The following COL25A1 variants were observed in gnomAD, a reference collection of about 807,000 sequenced individuals.
The protein encoded by COL25A1 is collagen alpha-1(XXV) chain.
In COL25A1, 103 loss-of-function variants were observed where a neutral mutation model predicts 128.4. That is an observed-to-expected ratio of 0.80 (90% confidence interval 0.68 to 0.94). The LOEUF (loss-of-function observed/expected upper bound fraction) is 0.94. Ranked by LOEUF, COL25A1 falls within the 40% of genes least tolerant of loss-of-function variation. The pLI is 0.00. For synonymous variants in COL25A1, 279 were observed against 277.2 expected (o/e 1.01, Z -0.06); for missense variants, 745 against 840.0 (o/e 0.89, Z 1.40).
intron 3 of COL25A1, among the ~76,000 whole-genome samples, chr4:109,197,451 TATATATAAATATTATATATA>T (rs1175654939): frequency 8.4e-6 from 1 of 119,632 alleles, no homozygotes; most frequent in Non-Finnish European, 1.7e-5. Flanking sequence ...TTATATATAT[TATATATAAATATTATATATA>T]ATATATATTA....
chr4:109,033,486 G>T (rs1405821791), intron 5 of COL25A1, among the ~76,000 whole-genome samples: 2 of 152,206 alleles, frequency 1.3e-5, no homozygotes, highest in African/African-American at 2.4e-5. Flanking sequence ...CCCATCAGAG[G>T]AGAGAGGTCA....
intron 5 of COL25A1, among the ~76,000 whole-genome samples, chr4:109,031,408 G>A (rs1476156451): frequency 3.3e-5 from 5 of 152,174 alleles, no homozygotes; most frequent in East Asian, 3.9e-4. Flanking sequence ...GAGCCACCGC[G>A]CCAGGCCATG....
Position 108,878,612 on chromosome 4 carries a change from C to T in COL25A1, c.1020+5566G>A, listed in dbSNP as rs144923463. ...AAAAGAATGAGAAAGTAGAGTCTGC[C>T]CCCAAAACATTTATTTCCCGTAAGG... On this transcript the variant is annotated intron_variant, in intron 19 of 37. Coordinates refer to ENST00000399132, the MANE Select transcript of COL25A1 (RefSeq NM_198721.4). 1.6e-4 allele frequency among the ~76,000 whole-genome samples: 24 copies of T among 151,922 alleles called. No individual in the cohort carries two copies. The South Asian group carries it at 5.0e-3, about 32-fold the overall frequency.
chr4:108,876,732 G>C (rs1739503334), intron 19 of COL25A1, among the ~76,000 whole-genome samples: 1 of 152,160 alleles, frequency 6.6e-6, no homozygotes, highest in Non-Finnish European at 1.5e-5. Flanking sequence ...AGATATCTCA[G>C]CCCTGTTGGT....
intron 3 of COL25A1, among the ~76,000 whole-genome samples, chr4:109,072,231 C>T (rs945930195): frequency 2.6e-5 from 4 of 152,118 alleles, no homozygotes; most frequent in Admixed American, 6.5e-5. Flanking sequence ...TACTTTGAGT[C>T]TCCATACCTA....
chr4:108,871,591 C>T (rs891329244), intron 19 of COL25A1, among the ~76,000 whole-genome samples: 3 of 152,202 alleles, frequency 2.0e-5, no homozygotes, highest in Non-Finnish European at 2.9e-5. Context: ...GCTGGGATTA[C>T]AGGCGTGAGC....
chr4:109,183,775 C>A (rs975813119), intron 3 of COL25A1, among the ~76,000 whole-genome samples: 1 of 152,036 alleles, frequency 6.6e-6, no homozygotes, highest in Non-Finnish European at 1.5e-5. Context: ...GTGCATTTCC[C>A]TGGCTGGCTT....
chr4:108,962,185 C>CTTTTTTTTTTTTTTTTTTTTTTT (rs201713906), intron 8 of COL25A1, among the ~76,000 whole-genome samples: 1 of 131,956 alleles, frequency 7.6e-6, no homozygotes. Flanking sequence ...TACCTCGATT[C>CTTTTTTTTTTTTTTTTTTTTTTT]TTTTTTTTTC....
At chr4:109,159,770 C>T (rs1392337967) in intron 3 of COL25A1, among the ~76,000 whole-genome samples, 1 of 152,084 alleles carries the variant, frequency 6.6e-6, no homozygotes, top group Admixed American at 6.5e-5. Flanking sequence ...AACATTAGAC[C>T]ATTTCTAACA....
chr4:109,202,252 A>T lies in COL25A1; in HGVS notation c.367+98331T>A, dbSNP rs182036399. The stretch of plus-strand genomic sequence containing the variant: ...CAGAGTTATCAAGACAATGTAGTAC[A>T]GGCAAAAGAACAGACAAATGGGCCA... On this transcript the variant is annotated intron_variant, in intron 3 of 37. Transcript: ENST00000399132. Among the ~76,000 whole-genome samples the T allele has an allele frequency of 2.3e-3, 343 of 152,310 alleles. 1 individual carries two copies. The highest frequency in any genetic ancestry group is 7.6e-3 in the African/African-American group (315 of 41,586).
intron 3 of COL25A1, among the ~76,000 whole-genome samples, chr4:109,222,968 A>G (rs1297540121): frequency 3.9e-5 from 6 of 152,210 alleles, no homozygotes; most frequent in Admixed American, 2.0e-4. Context: ...ATGGGTGTAT[A>G]AACATTTTGT....
intron 4 of COL25A1, among the ~76,000 whole-genome samples, chr4:109,048,600 C>A (rs1021301859): frequency 2.0e-5 from 3 of 152,064 alleles, no homozygotes; most frequent in African/African-American, 7.2e-5. Context: ...ATTATTTGTC[C>A]TTAGAATTTT....
chr4:108,999,424 T>C (rs1755132584), intron 6 of COL25A1, among the ~76,000 whole-genome samples: 1 of 152,200 alleles, frequency 6.6e-6, no homozygotes, highest in Non-Finnish European at 1.5e-5. Flanking sequence ...AGATACCATC[T>C]CACACCAGTT....
Position 108,825,283 on chromosome 4 carries a change from T to C in COL25A1, c.1765-61A>G, listed in dbSNP as rs1487889071. ...TAAGTTTTGTGAATAGATTATTGCTTTATTTAAGGCTGTCTGAACATGCAA... is the reference window on the plus strand; with the variant it reads ...TAAGTTTTGTGAATAGATTATTGCTCTATTTAAGGCTGTCTGAACATGCAA... On this transcript the variant is annotated intron_variant, in intron 33 of 37. Coordinates refer to ENST00000399132, the MANE Select transcript of COL25A1 (RefSeq NM_198721.4). 1.0e-5 allele frequency: 14 copies of C among 1,343,920 alleles called. No individual in the cohort carries two copies. In the East Asian group the frequency reaches 3.2e-4, roughly 31 times the overall value. The allele number at this position is 1,343,920 out of a possible 1,614,324, so 83.2% of individuals were successfully genotyped here. A position where few individuals can be genotyped will look rare whatever the true frequency, so the allele number is the denominator to read the frequency against.
At chr4:109,276,229 G>A (rs1366023600) in intron 3 of COL25A1, among the ~76,000 whole-genome samples, 7 of 151,926 alleles carry the variant, frequency 4.6e-5, no homozygotes, top group Non-Finnish European at 1.0e-4. Flanking sequence ...TGGCTAACAT[G>A]GTGAAACCTC....
chr4:108,967,521 A>AT (rs1751448994), intron 8 of COL25A1, among the ~76,000 whole-genome samples: 1 of 152,110 alleles, frequency 6.6e-6, no homozygotes. Flanking sequence ...CTTATTACAG[A>AT]TTTTTTCATA....
At chr4:108,915,485 G>A (rs1744764929) in intron 13 of COL25A1, among the ~76,000 whole-genome samples, 1 of 152,100 alleles carries the variant, frequency 6.6e-6, no homozygotes, top group Non-Finnish European at 1.5e-5. Context: ...ATTGGCATGG[G>A]CCACCTTTCC....
At chr4:109,216,445 G>A (rs1025689154) in intron 3 of COL25A1, among the ~76,000 whole-genome samples, 8 of 152,104 alleles carry the variant, frequency 5.3e-5, no homozygotes, top group Non-Finnish European at 1.2e-4. Flanking sequence ...CTGTGTATAT[G>A]ACCTTATTTG....
intron 12 of COL25A1, among the ~76,000 whole-genome samples, chr4:108,920,123 G>T (rs1172350720): frequency 6.6e-6 from 1 of 152,104 alleles, no homozygotes. Context: ...TGACAATCAG[G>T]AAGTCACTGT....
Sources: gnomAD v4.1 joint callset for allele counts (sites outside exome capture counted in the v4.1 genomes callset) on GRCh38, gnomAD v4.1.1 for gene constraint, MANE v1.5 for transcripts, NCBI Gene and HGNC (gene_info 2026-07-23, HGNC 2026-07-21) for gene names.